Variants in DOCK5 observed in about 807,000 individuals in gnomAD.
DOCK5 encodes the protein dedicator of cytokinesis 5.
A neutral mutation model predicts 251.8 loss-of-function variants in DOCK5; 142 were observed. The observed-to-expected ratio is 0.56, with a 90% confidence interval of 0.49 to 0.65. DOCK5 has a LOEUF of 0.65. DOCK5 is among the 30% of genes least tolerant of loss of function. The pLI is 0.00. For synonymous variants in DOCK5, 842 were observed against 835.5 expected (o/e 1.01, Z -0.13); for missense variants, 2,111 against 2,312.3 (o/e 0.91, Z 1.79).
At chr8:25,269,215 T>C (rs1049500170) in intron 3 of DOCK5, among the ~76,000 whole-genome samples, 1 of 152,206 alleles carries the variant, frequency 6.6e-6, no homozygotes, top group Admixed American at 6.5e-5. Flanking sequence ...CCCACCCTTC[T>C]CCCTTTGTCC....
intron 1 of DOCK5, among the ~76,000 whole-genome samples, chr8:25,233,160 C>G (rs1802713142): frequency 6.6e-6 from 1 of 152,106 alleles, no homozygotes; most frequent in South Asian, 2.1e-4. Flanking sequence ...GCCTGGAAAC[C>G]CTGTTCAAGC....
chr8:25,359,056 A>G lies in DOCK5; in HGVS notation c.2944A>G (p.Ile982Val), dbSNP rs780721684. The change falls in exon 28 of 52, where the codon ATC (isoleucine) becomes GTC (valine). Residue 982 changes from isoleucine (I) to valine (V), a missense_variant. Transcript: ENST00000276440. ...YISTFKTRQD[I>V]IDFLMETFIM... ...CAGCACTTTCAAAACCAGACAAGAC[A>G]TCATCGTAAGTTGCCTTTACTGGTC... 6.2e-6 allele frequency: 10 copies of G among 1,613,774 alleles called. No homozygotes were observed. The highest frequency in any genetic ancestry group is 8.5e-6 in the Non-Finnish European group (10 of 1,179,782).
At chr8:25,303,866 T>G (rs1015921108) in intron 10 of DOCK5, among the ~76,000 whole-genome samples, 3 of 152,134 alleles carry the variant, frequency 2.0e-5, no homozygotes, top group African/African-American at 7.2e-5. Context: ...CTTGGGAGGC[T>G]GAGGCAGGAG....
chr8:25,251,312 T>C (rs942976105), intron 2 of DOCK5, among the ~76,000 whole-genome samples: 4 of 144,304 alleles, frequency 2.8e-5, no homozygotes, highest in African/African-American at 9.8e-5. Context: ...GCACAGCACA[T>C]ATTATTTCAG....
At chr8:25,397,340 GC>G (rs1801363574) in intron 45 of DOCK5, among the ~76,000 whole-genome samples, 1 of 152,234 alleles carries the variant, frequency 6.6e-6, no homozygotes, top group Non-Finnish European at 1.5e-5. Flanking sequence ...TAGAGTCGAG[GC>G]TTCACCAGTG....
intron 37 of DOCK5, chr8:25,376,381 C>G (rs1800963907): frequency 1.0e-6 from 1 of 984,744 alleles, no homozygotes; most frequent in Non-Finnish European, 1.2e-6. Flanking sequence ...ATCTTTATTA[C>G]TAAATTCTTA....
At chr8:25,356,297 T>G (rs967791869) in intron 27 of DOCK5, among the ~76,000 whole-genome samples, 1 of 152,328 alleles carries the variant, frequency 6.6e-6, no homozygotes, top group Middle Eastern at 3.4e-3. Flanking sequence ...AAGGAGACTT[T>G]GGATTATATG....
At chr8:25,365,295 T>C (rs1442747246) in intron 30 of DOCK5, among the ~76,000 whole-genome samples, 1 of 152,224 alleles carries the variant, frequency 6.6e-6, no homozygotes, top group Non-Finnish European at 1.5e-5. Flanking sequence ...CTTGCTGTCA[T>C]GGAGCTTACC....
chr8:25,299,861 A>C (rs1804715754), intron 8 of DOCK5, among the ~76,000 whole-genome samples: 1 of 152,224 alleles, frequency 6.6e-6, no homozygotes. Context: ...TTCTTTAAAA[A>C]AAATTTTTTA....
chr8:25,301,240 C>G lies in DOCK5; in HGVS notation c.846+583C>G, dbSNP rs571679114. Among the ~76,000 whole-genome samples the G allele has an allele frequency of 1.9e-3, 283 of 152,302 alleles. 1 individual carries two copies. Among genetic ancestry groups the G allele is most frequent in the Middle Eastern group, 6.8e-3 (2 of 294 alleles). On this transcript the variant is annotated intron_variant, in intron 9 of 51. Coordinates refer to ENST00000276440, the MANE Select transcript of DOCK5 (RefSeq NM_024940.8). ...ACCAGGGGTCTCAGAGCATATTCAT[C>G]ACAGACAAGGGGGGGCTACTCTATC...
rs745492438 is a variant in DOCK5 at position 25,317,038 on chromosome 8, G to C, written c.1350G>C (p.Leu450=). ...TTCGGAATGACATTTATGTCACCCT[G>C]ATCCACGGTGAGTTTGACAAAGGGA... ...GDVRNDIYVT[L]IHGEFDKGKK... The change falls in exon 14 of 52, where the codon CTG becomes CTC. Residue 450 remains leucine, a synonymous_variant. Coordinates refer to ENST00000276440, the MANE Select transcript of DOCK5 (RefSeq NM_024940.8). 17 of 1,613,806 alleles carry C rather than the reference G, an allele frequency of 1.1e-5. No individual in the cohort carries two copies. The highest frequency in any genetic ancestry group is 1.6e-4 in the Middle Eastern group (1 of 6,084).
chr8:25,356,149 G>A (rs941594278), intron 27 of DOCK5, among the ~76,000 whole-genome samples: 4 of 152,050 alleles, frequency 2.6e-5, no homozygotes, highest in African/African-American at 9.7e-5. Flanking sequence ...TCAGTGAGCT[G>A]AGATCGCGCC....
intron 1 of DOCK5, among the ~76,000 whole-genome samples, chr8:25,236,529 A>G (rs992399874): frequency 2.0e-5 from 3 of 152,180 alleles, no homozygotes; most frequent in Non-Finnish European, 4.4e-5. Flanking sequence ...TAGAATGCAT[A>G]TCTGAAACTA....
chr8:25,373,564 G>C, intron 35 of DOCK5, 54 bp from the exon 36 acceptor site: 1 of 1,516,794 alleles, frequency 6.6e-7, no homozygotes, highest in Non-Finnish European at 9.0e-7. Context: ...CTATTTTTGT[G>C]TCAATAGCTC....
At chr8:25,251,864 C>G (rs1012207372) in intron 2 of DOCK5, among the ~76,000 whole-genome samples, 1 of 152,008 alleles carries the variant, frequency 6.6e-6, no homozygotes, top group Non-Finnish European at 1.5e-5. Context: ...TGGTGTGCAC[C>G]CATAATCCCA....
Position 25,243,772 on chromosome 8 carries a change from CCTT to C in DOCK5, c.127+18_127+20del. The C allele has an allele frequency of 6.2e-7, 1 of 1,612,086 alleles. No individual in the cohort carries two copies. Among genetic ancestry groups the C allele is most frequent in the Non-Finnish European group, 8.5e-7 (1 of 1,178,678 alleles). ...GATGTACGAGGGTAAGTCTGGCTGG[CCTT>C]CTGCCAGATGAGGGCAAGGGAAAAA... is the stretch of plus-strand genomic sequence containing the variant. On this transcript the variant is annotated intron_variant, in intron 2 of 51. Transcript: ENST00000276440.
intron 31 of DOCK5, 99 bp from the exon 32 acceptor site, chr8:25,368,093 C>A: frequency 2.1e-6 from 2 of 964,688 alleles, no homozygotes; most frequent in South Asian, 3.0e-5. Flanking sequence ...TTAAGAGTGA[C>A]CAAGAGAGAC....
intron 31 of DOCK5, among the ~76,000 whole-genome samples, chr8:25,367,603 A>G (rs1159712912): frequency 6.6e-6 from 1 of 152,200 alleles, no homozygotes; most frequent in African/African-American, 2.4e-5. Flanking sequence ...AAAATTATTT[A>G]GTGTCCCTCT....
At chr8:25,197,427 G>T (rs1801756825) in intron 1 of DOCK5, among the ~76,000 whole-genome samples, 1 of 152,074 alleles carries the variant, frequency 6.6e-6, no homozygotes, top group African/African-American at 2.4e-5. Flanking sequence ...AGCCACTGTT[G>T]TTCGAATGGG....
Sources: gnomAD v4.1 joint callset for allele counts (sites outside exome capture counted in the v4.1 genomes callset) on GRCh38, gnomAD v4.1.1 for gene constraint, MANE v1.5 for transcripts, NCBI Gene and HGNC (gene_info 2026-07-23, HGNC 2026-07-21) for gene names.